Variants in IL1RAPL2 observed in about 807,000 individuals in gnomAD.
IL1RAPL2 encodes interleukin 1 receptor accessory protein like 2, also known as X-linked interleukin-1 receptor accessory protein-like 2.
In IL1RAPL2, 3 loss-of-function variants were observed where a neutral mutation model predicts 44.1. The ratio of observed to expected loss-of-function variants is 0.07; its 90% CI spans 0.03 to 0.18. The LOEUF (loss-of-function observed/expected upper bound fraction) is 0.18. Ranked by LOEUF, IL1RAPL2 falls within the 10% of genes least tolerant of loss-of-function variation. IL1RAPL2 has a pLI of 1.00. For missense variants in IL1RAPL2, 391 were observed against 496.4 expected, an observed-to-expected ratio of 0.79 and a Z score of 2.02; for synonymous variants, 181 against 178.8, an observed-to-expected ratio of 1.01 and a Z score of -0.10.
chrX:105,431,843 G>A (rs771006983), intron 5 of IL1RAPL2, among the ~76,000 whole-genome samples: 10 of 111,400 alleles, frequency 9.0e-5, no homozygotes, highest in Non-Finnish European at 1.5e-4. Context: ...CATGCAACTC[G>A]TGCAAATTTC....
chrX:105,403,378 ATAT>A (rs1390521442), intron 5 of IL1RAPL2, among the ~76,000 whole-genome samples: 1 of 111,322 alleles, frequency 9.0e-6, no homozygotes, highest in Non-Finnish European at 1.9e-5. Context: ...ACATTTTGAA[ATAT>A]TATTTTTTTT....
chrX:105,405,588 T>G, intron 5 of IL1RAPL2: 1 of 870,241 alleles, frequency 1.1e-6, no homozygotes, highest in East Asian at 3.1e-5. Context: ...GAGAAAAAGG[T>G]GGGAGGAGGA....
chrX:104,963,919 G>A (rs1484846985), intron 2 of IL1RAPL2, among the ~76,000 whole-genome samples: 2 of 73,970 alleles, frequency 2.7e-5, no homozygotes, highest in African/African-American at 7.9e-5. Flanking sequence ...TAGGATGTGC[G>A]TGTGTGTGTG....
intron 6 of IL1RAPL2, among the ~76,000 whole-genome samples, chrX:105,610,662 C>G (rs1055095764): frequency 9.0e-6 from 1 of 111,654 alleles, no homozygotes; most frequent in Non-Finnish European, 1.9e-5. Context: ...TCACAGCCAT[C>G]GTAAAATCAT....
chrX:105,406,089 T>C (rs901920215), intron 5 of IL1RAPL2: 86 of 1,198,082 alleles, frequency 7.2e-5, no homozygotes, highest in Non-Finnish European at 9.5e-5. Context: ...GTAGCATGCA[T>C]CTTTTTGAGA....
intron 2 of IL1RAPL2, among the ~76,000 whole-genome samples, chrX:104,905,012 G>T (rs770025791): frequency 0.056 from 6,201 of 110,218 alleles, 465 homozygotes; most frequent in African/African-American, 0.2. Context: ...GTGTGAGATG[G>T]TATCTCATTG....
At chrX:105,699,807 C>A (rs1831444700) in intron 6 of IL1RAPL2, among the ~76,000 whole-genome samples, 1 of 111,268 alleles carries the variant, frequency 9.0e-6, no homozygotes, top group Non-Finnish European at 1.9e-5. Context: ...ACTTGCTGTG[C>A]CTTTTTGTCC....
At position 104,905,059 on chromosome X, in the gene IL1RAPL2, A is replaced by G. The variant is rs1193745608; in HGVS notation, c.82+246064A>G. 4.4e-4 allele frequency among the ~76,000 whole-genome samples: 49 copies of G among 110,858 alleles called. No individual in the cohort carries two copies. In the South Asian group the frequency reaches 0.019, roughly 42 times the overall value. On this transcript the variant is annotated intron_variant, in intron 2 of 10. Coordinates refer to ENST00000372582, the MANE Select transcript of IL1RAPL2 (RefSeq NM_017416.2). ...TGCATTTCTCTGATGGCCAGTGATG[A>G]TGAGCATTTTTTCATGTGTTTTTTG... is the stretch of plus-strand genomic sequence containing the variant.
intron 2 of IL1RAPL2, among the ~76,000 whole-genome samples, chrX:105,051,359 G>A (rs973903301): frequency 6.2e-5 from 7 of 112,814 alleles, no homozygotes; most frequent in African/African-American, 9.6e-5. Flanking sequence ...GAGGGCAGCC[G>A]CAGCTGCACC....
intron 2 of IL1RAPL2, among the ~76,000 whole-genome samples, chrX:104,906,925 C>G (rs890825770): frequency 4.5e-5 from 5 of 111,654 alleles, no homozygotes; most frequent in African/African-American, 1.6e-4. Flanking sequence ...GTGAATCCTT[C>G]TGGTCCTGGA....
chrX:104,750,381 G>GA (rs1351498019), intron 2 of IL1RAPL2, among the ~76,000 whole-genome samples: 1 of 111,134 alleles, frequency 9.0e-6, no homozygotes, highest in Non-Finnish European at 1.9e-5. Context: ...GGGATCCTGT[G>GA]AAAAAACAGA....
intron 5 of IL1RAPL2, among the ~76,000 whole-genome samples, chrX:105,424,432 AC>A (rs1288469209): frequency 1.8e-5 from 2 of 109,374 alleles, no homozygotes; most frequent in East Asian, 5.9e-4. Flanking sequence ...CAGAGGGGTG[AC>A]TTTGAATAGA....
intron 5 of IL1RAPL2, among the ~76,000 whole-genome samples, chrX:105,284,267 A>G (rs2034554231): frequency 8.9e-6 from 1 of 112,142 alleles, no homozygotes; most frequent in African/African-American, 3.2e-5. Context: ...TCCCCATTCC[A>G]TTTCCACACA....
chrX:104,663,575 A>T (rs944830273), intron 2 of IL1RAPL2, among the ~76,000 whole-genome samples: 50 of 109,508 alleles, frequency 4.6e-4, no homozygotes, highest in African/African-American at 1.7e-3. Context: ...GGAGGAAAAT[A>T]CTTCCCTATG....
At chrX:104,838,056 C>A (rs970344004) in intron 2 of IL1RAPL2, among the ~76,000 whole-genome samples, 1 of 111,562 alleles carries the variant, frequency 9.0e-6, no homozygotes, top group African/African-American at 3.3e-5. Context: ...CATGTTATTT[C>A]TGAGGTCTCT....
Position 105,430,350 on chromosome X carries a change from G to A in IL1RAPL2, c.698-53963G>A, listed in dbSNP as rs760553277. ...CACAAAGTATTTCTCAAGAATTCCA[G>A]GTACTCATTACCATCAGACTAGAGT... is the stretch of plus-strand genomic sequence containing the variant. On this transcript the variant is annotated intron_variant, in intron 5 of 10. Transcript: ENST00000372582. Among the ~76,000 whole-genome samples the A allele has an allele frequency of 6.3e-5, 7 of 111,218 alleles. 1 individual carries two copies. The South Asian group carries it at 1.5e-3, about 24-fold the overall frequency.
chrX:104,570,698 A>G (rs1928129375), intron 1 of IL1RAPL2, among the ~76,000 whole-genome samples: 1 of 112,104 alleles, frequency 8.9e-6, no homozygotes, highest in Non-Finnish European at 1.9e-5. Flanking sequence ...CCAGCCACAG[A>G]CATGGTTCCA....
At chrX:104,661,132 T>C (rs746984130) in intron 2 of IL1RAPL2, among the ~76,000 whole-genome samples, 10 of 111,631 alleles carry the variant, frequency 9.0e-5, no homozygotes, top group Non-Finnish European at 1.9e-4. Context: ...GTATCATATC[T>C]GCAGTCAGCT....
chrX:104,636,842 C>T (rs192101646), intron 1 of IL1RAPL2, among the ~76,000 whole-genome samples: 1 of 111,811 alleles, frequency 8.9e-6, no homozygotes, highest in African/African-American at 3.2e-5. Context: ...TGTGCTGCAC[C>T]CACTGTCCTG....
Sources: gnomAD v4.1 joint callset for allele counts (sites outside exome capture counted in the v4.1 genomes callset) on GRCh38, gnomAD v4.1.1 for gene constraint, MANE v1.5 for transcripts, NCBI Gene and HGNC (gene_info 2026-07-23, HGNC 2026-07-21) for gene names.